Variants in TJP1 observed in about 807,000 individuals in gnomAD.
TJP1 encodes tight junction protein ZO-1.
TJP1 carries 43 observed loss-of-function variants against 194.2 expected under a neutral mutation model. That is an observed-to-expected ratio of 0.22 (90% confidence interval 0.17 to 0.29). The LOEUF is 0.29. Among genes scored for constraint, TJP1 ranks in the 10% least tolerant of loss-of-function variants. The pLI, the probability that TJP1 is intolerant of heterozygous loss-of-function variation, is 1.00. For synonymous variants in TJP1, 801 were observed against 779.0 expected, an observed-to-expected ratio of 1.03 and a Z score of -0.47; for missense variants, 1,971 against 2,185.7, an observed-to-expected ratio of 0.90 and a Z score of 1.96.
chr15:29,949,723 C>T (rs1163911310), intron 2 of TJP1, among the ~76,000 whole-genome samples: 3 of 121,196 alleles, frequency 2.5e-5, no homozygotes, highest in Non-Finnish European at 3.5e-5. Context: ...TCACCTCCAC[C>T]GCCATCACCT....
At chr15:29,779,641 T>C (rs920681822) in intron 2 of TJP1, among the ~76,000 whole-genome samples, 6 of 152,244 alleles carry the variant, frequency 3.9e-5, no homozygotes, top group African/African-American at 1.2e-4. Flanking sequence ...AAGTATTTGA[T>C]TGATTATTCA....
chr15:29,805,579 G>A (rs1236176725), intron 1 of TJP1, among the ~76,000 whole-genome samples: 2 of 152,106 alleles, frequency 1.3e-5, no homozygotes, highest in Non-Finnish European at 2.9e-5. Flanking sequence ...CATGGTAAGT[G>A]TTGGGGAGGC....
intron 2 of TJP1, among the ~76,000 whole-genome samples, chr15:29,851,325 A>G (rs1225603516): frequency 6.6e-6 from 1 of 152,150 alleles, no homozygotes; most frequent in Admixed American, 6.5e-5. Context: ...CGTTATTAGT[A>G]TAATAACCAA....
chr15:29,732,682 G>A lies in TJP1; in HGVS notation c.1870C>T (p.Gln624Ter). The change falls in exon 14 of 28, where the codon CAG becomes TAG. Residue 624 changes from glutamine (Q) to a stop codon, truncating the protein, a stop_gained. Coordinates refer to ENST00000614355, the MANE Select transcript of TJP1 (RefSeq NM_001330239.4). LOFTEE classifies it high-confidence loss of function. ...GCTGGAAACTTTGTTTGAACAGGCTGAGCGGACAAATCCTCTCTGCTTTTT... is the reference window on the plus strand; with the variant it reads ...GCTGGAAACTTTGTTTGAACAGGCTAAGCGGACAAATCCTCTCTGCTTTTT... ...LRKSREDLSA[Q>*]PVQTKFPAYE... 6.2e-7 allele frequency: 1 copy of A among 1,614,168 alleles called. No individual in the cohort carries two copies. The highest frequency in any genetic ancestry group is 8.5e-7 in the Non-Finnish European group (1 of 1,180,034).
chr15:29,733,324 TAA>T lies in TJP1; in HGVS notation c.1517-13_1517-12del. The T allele has an allele frequency of 6.4e-7, 1 of 1,565,136 alleles. No individual in the cohort carries two copies. Among genetic ancestry groups the T allele is most frequent in the South Asian group, 1.1e-5 (1 of 88,728 alleles). ...CAATGCGACGATAAACTAAAAGGAATAAAAACAAACACATTATCAATATTTAG... is the reference window on the plus strand; with the variant it reads ...CAATGCGACGATAAACTAAAAGGAATAAACAAACACATTATCAATATTTAG... On this transcript the variant is annotated splice_polypyrimidine_tract_variant and intron_variant, in intron 12 of 27. Transcript: ENST00000614355.
At chr15:29,896,927 G>A (rs1383769960) in intron 2 of TJP1, among the ~76,000 whole-genome samples, 1 of 152,094 alleles carries the variant, frequency 6.6e-6, no homozygotes, top group Non-Finnish European at 1.5e-5. Flanking sequence ...TTTTATAAGG[G>A]AAGCAGAGCA....
At chr15:29,902,150 A>C (rs2053654630) in intron 2 of TJP1, among the ~76,000 whole-genome samples, 1 of 152,238 alleles carries the variant, frequency 6.6e-6, no homozygotes, top group African/African-American at 2.4e-5. Flanking sequence ...TTTAATTTGA[A>C]TCATGAAGAA....
At chr15:29,958,602 A>AAC (rs2056036122) in intron 1 of TJP1, among the ~76,000 whole-genome samples, 1 of 152,190 alleles carries the variant, frequency 6.6e-6, no homozygotes, top group African/African-American at 2.4e-5. Context: ...AACTCTAGTT[A>AAC]GCTATATACA....
intron 9 of TJP1, 26 bp downstream of exon 9, chr15:29,742,616 T>G: frequency 6.5e-7 from 1 of 1,532,258 alleles, no homozygotes; most frequent in Non-Finnish European, 8.7e-7. Flanking sequence ...AAATGTTTCT[T>G]GAACTTAGTG....
At chr15:29,903,476 G>A (rs2053698116) in intron 2 of TJP1, among the ~76,000 whole-genome samples, 1 of 151,200 alleles carries the variant, frequency 6.6e-6, no homozygotes, top group Non-Finnish European at 1.5e-5. Context: ...ATGGAGTCTC[G>A]CTCTGTCGCC....
At chr15:29,832,698 T>C (rs1011969656) in intron 2 of TJP1, among the ~76,000 whole-genome samples, 1 of 152,202 alleles carries the variant, frequency 6.6e-6, no homozygotes, top group African/African-American at 2.4e-5. Flanking sequence ...GTATATGAAG[T>C]ACTATCAAAC....
At chr15:29,929,567 A>C (rs1718996) in intron 2 of TJP1, among the ~76,000 whole-genome samples, 38,714 of 151,856 alleles carry the variant, frequency 0.25, 5,147 homozygotes, top group East Asian at 0.35. Flanking sequence ...TGTGGCGGTG[A>C]ATGTCTGTAA....
chr15:29,822,081 G>A lies in TJP1; in HGVS notation c.-53C>T. 7 of 1,246,238 alleles carry A rather than the reference G, an allele frequency of 5.6e-6. No individual in the cohort carries two copies. Among genetic ancestry groups the A allele is most frequent in the Middle Eastern group, 2.3e-4 (1 of 4,262 alleles). The allele number at this position is 1,246,238 out of a possible 1,614,324, so 77.2% of individuals were successfully genotyped here. A position where few individuals can be genotyped will look rare whatever the true frequency, so the allele number is the denominator to read the frequency against. ...CTCCTCGGACCCGAAACTCCGCGGC[G>A]CTGGCCCGCCCGCTCCTCACGCCAC... On this transcript the variant is annotated 5_prime_UTR_variant, in exon 1 of 28. Coordinates refer to ENST00000614355, the MANE Select transcript of TJP1 (RefSeq NM_001330239.4).
chr15:29,734,095 G>A (rs1258995713), intron 12 of TJP1, among the ~76,000 whole-genome samples, 179 bp downstream of exon 12: 1 of 152,122 alleles, frequency 6.6e-6, no homozygotes, highest in East Asian at 1.9e-4. Flanking sequence ...CTCTGCTAAT[G>A]AGAATCATCT....
intron 2 of TJP1, among the ~76,000 whole-genome samples, chr15:29,876,152 C>T (rs553226024): frequency 6.6e-6 from 1 of 152,358 alleles, no homozygotes; most frequent in East Asian, 1.9e-4. Flanking sequence ...TTAAGCTTGT[C>T]TAACCTGCCC....
intron 1 of TJP1, among the ~76,000 whole-genome samples, chr15:29,808,446 TATCA>T (rs2049259538): frequency 6.6e-6 from 1 of 152,224 alleles, no homozygotes; most frequent in Non-Finnish European, 1.5e-5. Flanking sequence ...TTTGAAAATA[TATCA>T]ATCTGTGTAC....
At chr15:29,907,599 C>T (rs2053859539) in intron 2 of TJP1, among the ~76,000 whole-genome samples, 1 of 152,084 alleles carries the variant, frequency 6.6e-6, no homozygotes. Flanking sequence ...TAATCAGGAA[C>T]ATAGAGTTAA....
At chr15:29,817,571 T>C (rs542644647) in intron 1 of TJP1, among the ~76,000 whole-genome samples, 14 of 152,244 alleles carry the variant, frequency 9.2e-5, no homozygotes, top group Admixed American at 4.6e-4. Context: ...AGCAAAGACA[T>C]GGAACCAACC....
chr15:29,936,938 T>C (rs999707112), intron 2 of TJP1, among the ~76,000 whole-genome samples: 4 of 152,170 alleles, frequency 2.6e-5, no homozygotes, highest in African/African-American at 9.7e-5. Flanking sequence ...TTTCCTTTCA[T>C]TTCCTTCTCC....
Sources: gnomAD v4.1 joint callset for allele counts (sites outside exome capture counted in the v4.1 genomes callset) on GRCh38, gnomAD v4.1.1 for gene constraint, MANE v1.5 for transcripts, NCBI Gene and HGNC (gene_info 2026-07-23, HGNC 2026-07-21) for gene names.